The following CAB39L variants were observed in gnomAD, a reference collection of about 807,000 sequenced individuals.
The protein encoded by CAB39L is calcium binding protein 39 like, also known as calcium-binding protein 39-like.
In CAB39L, 23 loss-of-function variants were observed where a neutral mutation model predicts 39.1. The observed-to-expected ratio is 0.59, with a 90% CI of 0.42 to 0.83. The LOEUF is 0.83. Ranked by LOEUF, CAB39L falls within the 40% of genes least tolerant of loss-of-function variation. The pLI is 0.00. For missense variants in CAB39L, 366 were observed against 391.9 expected, an observed-to-expected ratio of 0.93 and a Z score of 0.56; for synonymous variants, 126 against 137.2, an observed-to-expected ratio of 0.92 and a Z score of 0.57.
chr13:49,391,738 G>A (rs190450537), intron 3 of CAB39L, among the ~76,000 whole-genome samples: 2 of 152,064 alleles, frequency 1.3e-5, no homozygotes, highest in East Asian at 3.9e-4. Flanking sequence ...ATGGAAGTAG[G>A]ATGCAACCAC....
chr13:49,427,168 T>G (rs1463214097), intron 3 of CAB39L, among the ~76,000 whole-genome samples: 1 of 152,186 alleles, frequency 6.6e-6, no homozygotes. Context: ...CAGGTGACAG[T>G]GTTGCATTAT....
At chr13:49,439,689 C>G (rs983776753) in intron 1 of CAB39L, among the ~76,000 whole-genome samples, 11 of 152,158 alleles carry the variant, frequency 7.2e-5, no homozygotes, top group Admixed American at 2.6e-4. Context: ...AACTAATTTA[C>G]ACTCCCACCA....
chr13:49,426,513 G>A (rs1247060513), intron 3 of CAB39L, among the ~76,000 whole-genome samples: 1 of 151,976 alleles, frequency 6.6e-6, no homozygotes, highest in East Asian at 1.9e-4. Context: ...TGCAAGCTCC[G>A]CCTCCCGGGT....
chr13:49,431,444 C>T (rs571801137), intron 3 of CAB39L, among the ~76,000 whole-genome samples: 25 of 152,244 alleles, frequency 1.6e-4, no homozygotes, highest in South Asian at 4.1e-4. Context: ...TGGTGGCTCA[C>T]GTCTGTAATC....
At chr13:49,333,390 G>A (rs1002713940) in intron 9 of CAB39L, among the ~76,000 whole-genome samples, 1 of 151,926 alleles carries the variant, frequency 6.6e-6, no homozygotes, top group African/African-American at 2.4e-5. Context: ...CTTGCCTTTT[G>A]CACTACTTAT....
intron 6 of CAB39L, among the ~76,000 whole-genome samples, chr13:49,353,571 C>T (rs1366887305): frequency 6.6e-6 from 1 of 152,066 alleles, no homozygotes; most frequent in Non-Finnish European, 1.5e-5. Flanking sequence ...TGCTTCTCAT[C>T]TCTCAAGGCT....
chr13:49,353,879 C>A (rs115985558), intron 6 of CAB39L, among the ~76,000 whole-genome samples: 2,304 of 152,152 alleles, frequency 0.015, 59 homozygotes, highest in African/African-American at 0.053. Flanking sequence ...CTACCCCAGT[C>A]TCCGAAGAGT....
chr13:49,408,368 G>C (rs915475881), intron 3 of CAB39L, among the ~76,000 whole-genome samples: 18 of 152,178 alleles, frequency 1.2e-4, no homozygotes, highest in African/African-American at 4.3e-4. Context: ...TGCCAGCAAG[G>C]CTTCTGGATA....
chr13:49,354,634 G>T (rs1205849498), intron 6 of CAB39L, among the ~76,000 whole-genome samples: 1 of 152,200 alleles, frequency 6.6e-6, no homozygotes, highest in Non-Finnish European at 1.5e-5. Context: ...TTAATCTGAT[G>T]AATGCTGAAT....
At chr13:49,328,141 A>T (rs1954555159) in intron 10 of CAB39L, among the ~76,000 whole-genome samples, 1 of 152,242 alleles carries the variant, frequency 6.6e-6, no homozygotes, top group Non-Finnish European at 1.5e-5. Context: ...AATGGATTTC[A>T]GAGTTGAAGG....
chr13:49,392,466 A>G (rs966280211), intron 3 of CAB39L, among the ~76,000 whole-genome samples: 1 of 151,814 alleles, frequency 6.6e-6, no homozygotes, highest in Admixed American at 6.6e-5. Context: ...GTGAAACCCC[A>G]TCTCTACTAA....
intron 1 of CAB39L, among the ~76,000 whole-genome samples, chr13:49,441,255 CATATATTT>C (rs1416849220): frequency 1.7e-5 from 2 of 116,064 alleles, no homozygotes; most frequent in Non-Finnish European, 3.2e-5. Flanking sequence ...TCCCTTTTCC[CATATATTT>C]ATATAACTAT....
intron 1 of CAB39L, among the ~76,000 whole-genome samples, chr13:49,441,018 C>T (rs918370157): frequency 2.0e-5 from 3 of 151,800 alleles, no homozygotes; most frequent in Non-Finnish European, 4.4e-5. Flanking sequence ...GAACTTCCTA[C>T]GTATCTCATG....
intron 3 of CAB39L, among the ~76,000 whole-genome samples, chr13:49,401,920 CTT>C (rs1265470226): frequency 6.6e-6 from 1 of 152,100 alleles, no homozygotes; most frequent in Non-Finnish European, 1.5e-5. Context: ...GAAACTTAAT[CTT>C]AACATTTAAA....
chr13:49,412,671 A>G (rs1957012138), intron 3 of CAB39L, among the ~76,000 whole-genome samples: 1 of 152,098 alleles, frequency 6.6e-6, no homozygotes, highest in African/African-American at 2.4e-5. Flanking sequence ...GCACCAGAGG[A>G]TGGTTTTGTG....
At chr13:49,425,138 A>G (rs1594091561) in intron 3 of CAB39L, among the ~76,000 whole-genome samples, 1 of 152,184 alleles carries the variant, frequency 6.6e-6, no homozygotes, top group East Asian at 1.9e-4. Flanking sequence ...CACAATGCAC[A>G]TGGTAATATA....
Position 49,350,912 on chromosome 13 carries a change from T to A in CAB39L, c.396A>T (p.Gly132=). The A allele has an allele frequency of 1.3e-6, 2 of 1,573,810 alleles. No individual in the cohort carries two copies. The highest frequency in any genetic ancestry group is 2.4e-5 in the South Asian group (2 of 84,406). The change falls in exon 7 of 11, where the codon GGA becomes GGT. Residue 132 remains glycine, a splice_region_variant and synonymous_variant. Transcript: ENST00000409308. The part of the protein sequence containing the change: ...HPHILFMLLK[G]YEAPQIALRC... ...GTAAGGCAATCTGTGGGGCTTCATA[T>A]CTAAAGCGTAAACAAGAGAGAAATA...
chr13:49,423,142 T>G (rs1249615982), intron 3 of CAB39L, among the ~76,000 whole-genome samples: 3 of 152,164 alleles, frequency 2.0e-5, no homozygotes, highest in African/African-American at 4.8e-5. Context: ...TGATGCTCTA[T>G]CATTAGTATC....
intron 3 of CAB39L, among the ~76,000 whole-genome samples, chr13:49,429,201 T>C (rs970392440): frequency 2.0e-5 from 3 of 152,208 alleles, no homozygotes; most frequent in East Asian, 1.9e-4. Context: ...ACTAGAGTGA[T>C]GCTCCTGCTT....
Sources: gnomAD v4.1 joint callset for allele counts (sites outside exome capture counted in the v4.1 genomes callset) on GRCh38, gnomAD v4.1.1 for gene constraint, MANE v1.5 for transcripts, NCBI Gene and HGNC (gene_info 2026-07-23, HGNC 2026-07-21) for gene names.